The following UGT1A7 variants were observed in gnomAD, a reference collection of about 807,000 sequenced individuals.
The protein encoded by UGT1A7 is UDP-glucuronosyltransferase 1A7.
Under a neutral mutation model 45.6 loss-of-function variants are expected in UGT1A7, and 33 were observed. That is an observed-to-expected ratio of 0.72 (90% CI 0.55 to 0.97). The LOEUF (loss-of-function observed/expected upper bound fraction) is 0.97, where lower values mean the gene tolerates loss of function less well. UGT1A7 is among the 50% of genes least tolerant of loss of function. The pLI, the probability that UGT1A7 is intolerant of heterozygous loss-of-function variation, is 0.00. For missense variants in UGT1A7, 684 were observed against 666.2 expected, an observed-to-expected ratio of 1.03 and a Z score of -0.29; for synonymous variants, 274 against 250.6, an observed-to-expected ratio of 1.09 and a Z score of -0.88.
At chr2:233,691,657 C>T in intron 1 of UGT1A7, 1 of 984,560 alleles carries the variant, frequency 1.0e-6, no homozygotes, top group Non-Finnish European at 1.2e-6. Flanking sequence ...GTGACCCTCC[C>T]TTTCTGGGCC....
intron 1 of UGT1A7, chr2:233,729,672 TAAGGGCACACAGTGTCC>T (rs2077905850): frequency 6.2e-7 from 1 of 1,613,858 alleles, no homozygotes; most frequent in South Asian, 1.1e-5. Context: ...ATTTAGACTT[TAAGGGCACACAGTGTCC>T]AAACCCTTCC....
chr2:233,692,909 GA>G, intron 1 of UGT1A7: 1 of 1,555,664 alleles, frequency 6.4e-7, no homozygotes, highest in Non-Finnish European at 8.6e-7. Context: ...CAGGACCTGT[GA>G]AAAGCAGTGG....
intron 1 of UGT1A7, among the ~76,000 whole-genome samples, chr2:233,700,666 G>A (rs2075579039): frequency 6.6e-6 from 1 of 151,920 alleles, no homozygotes; most frequent in Non-Finnish European, 1.5e-5. Flanking sequence ...CTACTTTTCA[G>A]CACAAATTCG....
intron 1 of UGT1A7, chr2:233,718,858 C>T: frequency 1.9e-6 from 3 of 1,613,692 alleles, no homozygotes; most frequent in African/African-American, 2.7e-5. Context: ...CCGCGGCTGG[C>T]CACAGGACTG....
Position 233,772,785 on chromosome 2 carries a change from G to C in UGT1A7, c.*226G>C, listed in dbSNP as rs2126067599. ...GTGCCCCCTCTGGTGTCTTTGATCA[G>C]GATGACATGTGCCATTTTTCAGAGG... is the stretch of plus-strand genomic sequence containing the variant. On this transcript the variant is annotated 3_prime_UTR_variant, in exon 5 of 5. Transcript: ENST00000373426. 1 of 1,262,930 alleles carries C rather than the reference G, an allele frequency of 7.9e-7. No homozygotes were observed. The highest frequency in any genetic ancestry group is 1.0e-6 in the Non-Finnish European group (1 of 955,160). 78.2% of individuals were successfully genotyped at this position (1,262,930 alleles called of 1,614,324 possible).
chr2:233,724,971 C>T (rs1371769482), intron 1 of UGT1A7, among the ~76,000 whole-genome samples: 9 of 135,368 alleles, frequency 6.6e-5, no homozygotes, highest in African/African-American at 2.7e-4. Context: ...CCGAGGTTGG[C>T]GGATCACTCG....
intron 1 of UGT1A7, chr2:233,753,299 C>G (rs1319108778): frequency 6.6e-6 from 1 of 152,180 alleles, no homozygotes; most frequent in Non-Finnish European, 1.5e-5. Flanking sequence ...AGTGTGAGAC[C>G]CCGTGTGCCC....
chr2:233,707,208 A>G (rs2075948847), intron 1 of UGT1A7, among the ~76,000 whole-genome samples: 1 of 151,654 alleles, frequency 6.6e-6, no homozygotes, highest in Non-Finnish European at 1.5e-5. Context: ...TTCCCTTTCC[A>G]TCTTTTCTCT....
At chr2:233,719,211 C>A in intron 1 of UGT1A7, 1 of 1,614,194 alleles carries the variant, frequency 6.2e-7, no homozygotes, top group Non-Finnish European at 8.5e-7. Flanking sequence ...TTGTGTGGAG[C>A]TACTGCATAA....
chr2:233,736,452 G>A (rs1396481734), intron 1 of UGT1A7, among the ~76,000 whole-genome samples: 6 of 152,126 alleles, frequency 3.9e-5, no homozygotes, highest in Non-Finnish European at 7.3e-5. Flanking sequence ...CAATAGGTTC[G>A]AACATGCACT....
intron 1 of UGT1A7, among the ~76,000 whole-genome samples, chr2:233,712,177 C>T (rs28898598): frequency 0.021 from 3,273 of 152,310 alleles, 114 homozygotes; most frequent in African/African-American, 0.075. Context: ...GATCTGAGGC[C>T]AGGCTCCAGC....
rs112242313 is a variant in UGT1A7, at chr2:233,705,319, A to G, written c.855+22527A>G. Among the ~76,000 whole-genome samples the G allele has an allele frequency of 2.0e-3, 307 of 152,310 alleles. 1 individual carries two copies. Among genetic ancestry groups the G allele is most frequent in the Non-Finnish European group, 6.6e-4 (45 of 68,036 alleles). ...GTATTTCTTGTAAGTTGAGTTTTTC[A>G]GCAACACATTCTCTCAATTTTTGTC... On this transcript the variant is annotated intron_variant, in intron 1 of 4. Coordinates refer to ENST00000373426, the MANE Select transcript of UGT1A7 (RefSeq NM_019077.3).
At chr2:233,723,194 T>TA (rs551785642) in intron 1 of UGT1A7, among the ~76,000 whole-genome samples, 179 of 130,008 alleles carry the variant, frequency 1.4e-3, no homozygotes, top group African/African-American at 1.9e-3. Context: ...GTCCATGTGG[T>TA]AAAAAAAGTC....
chr2:233,720,567 T>C (rs1348899395), intron 1 of UGT1A7, among the ~76,000 whole-genome samples: 1 of 152,160 alleles, frequency 6.6e-6, no homozygotes, highest in Non-Finnish European at 1.5e-5. Flanking sequence ...GTGGGATCTA[T>C]TCTTTTTCCA....
In UGT1A7 at chr2:233,726,943, A is replaced by T. The variant is rs548004940; in HGVS notation, c.856-40091A>T. On this transcript the variant is annotated intron_variant, in intron 1 of 4. Coordinates refer to ENST00000373426, the MANE Select transcript of UGT1A7 (RefSeq NM_019077.3). Reference sequence around the variant, plus strand: ...GATCTTCCTTTTTTCATTTTTAAAAAACAATACCTTTCAAAGAGCAAAAGT... The same window carrying T: ...GATCTTCCTTTTTTCATTTTTAAAATACAATACCTTTCAAAGAGCAAAAGT... Among the ~76,000 whole-genome samples the T allele has an allele frequency of 5.9e-5, 9 of 152,338 alleles. No individual in the cohort carries two copies. The South Asian group carries it at 1.9e-3, about 32-fold the overall frequency.
At position 233,747,396 on chromosome 2, in the gene UGT1A7, A is replaced by G. The variant is rs537889953; in HGVS notation, c.856-19638A>G. 2.9e-5 allele frequency: 46 copies of G among 1,606,394 alleles called. 2 individuals carry two copies. In the African/African-American group the frequency reaches 5.6e-4, roughly 20 times the overall value. On this transcript the variant is annotated intron_variant, in intron 1 of 4. Coordinates refer to ENST00000373426, the MANE Select transcript of UGT1A7 (RefSeq NM_019077.3). ...CAGAGGCCACCAGGCGGTGGTCCTCACCCCAGAGGTGAATATGCACATCAA... is the reference window on the plus strand; with the variant it reads ...CAGAGGCCACCAGGCGGTGGTCCTCGCCCCAGAGGTGAATATGCACATCAA...
At chr2:233,703,078 G>C (rs937204099) in intron 1 of UGT1A7, among the ~76,000 whole-genome samples, 2 of 152,100 alleles carry the variant, frequency 1.3e-5, no homozygotes, top group African/African-American at 4.8e-5. Flanking sequence ...TCTGGGCCTA[G>C]GCTTTTCTTG....
intron 1 of UGT1A7, chr2:233,760,847 C>G: frequency 6.2e-7 from 1 of 1,614,018 alleles, no homozygotes; most frequent in South Asian, 1.1e-5. Context: ...ACCCAGTGCC[C>G]CAACCCATTC....
chr2:233,710,781 C>T (rs964572704), intron 1 of UGT1A7, among the ~76,000 whole-genome samples: 1 of 152,148 alleles, frequency 6.6e-6, no homozygotes, highest in Non-Finnish European at 1.5e-5. Flanking sequence ...TTTTAGCAAA[C>T]GTTTTGTGTT....
Sources: gnomAD v4.1 joint callset for allele counts (sites outside exome capture counted in the v4.1 genomes callset) on GRCh38, gnomAD v4.1.1 for gene constraint, MANE v1.5 for transcripts, NCBI Gene and HGNC (gene_info 2026-07-23, HGNC 2026-07-21) for gene names.